SPEF2: variants seen among roughly 807,000 people sequenced by gnomAD.
The protein encoded by SPEF2 is sperm flagella and cilia-associated protein 2.
Under a neutral mutation model 224.6 loss-of-function variants are expected in SPEF2, and 187 were observed. The observed-to-expected ratio is 0.83, with a 90% confidence interval of 0.74 to 0.94. The LOEUF is 0.94. SPEF2 is among the 40% of genes least tolerant of loss of function. The pLI, the probability that SPEF2 is intolerant of heterozygous loss-of-function variation, is 0.00. For synonymous variants in SPEF2, 715 were observed against 707.3 expected (o/e 1.01, Z -0.17); for missense variants, 2,170 against 2,135.6 (o/e 1.02, Z -0.32).
At chr5:35,672,853 C>T (rs1020595937) in intron 10 of SPEF2, among the ~76,000 whole-genome samples, 1 of 151,962 alleles carries the variant, frequency 6.6e-6, no homozygotes, top group Non-Finnish European at 1.5e-5. Flanking sequence ...TTTAGAAGCC[C>T]GTGTTCTGTT....
intron 20 of SPEF2, among the ~76,000 whole-genome samples, chr5:35,718,915 T>A (rs1255009166): frequency 6.6e-6 from 1 of 152,208 alleles, no homozygotes; most frequent in East Asian, 1.9e-4. Context: ...TTACATGGAC[T>A]CCTTATCATA....
At chr5:35,627,737 A>G (rs1744473516) in intron 1 of SPEF2, among the ~76,000 whole-genome samples, 1 of 152,224 alleles carries the variant, frequency 6.6e-6, no homozygotes, top group East Asian at 1.9e-4. Flanking sequence ...GATATAAGAT[A>G]TAGATATGGT....
intron 24 of SPEF2, among the ~76,000 whole-genome samples, chr5:35,758,127 G>C (rs1432211798): frequency 6.6e-6 from 1 of 152,136 alleles, no homozygotes; most frequent in South Asian, 2.1e-4. Context: ...AAAATAAGTG[G>C]TGACATAATT....
At chr5:35,672,719 A>C (rs912186735) in intron 10 of SPEF2, among the ~76,000 whole-genome samples, 3 of 152,010 alleles carry the variant, frequency 2.0e-5, no homozygotes, top group Non-Finnish European at 4.4e-5. Context: ...AATGAACATT[A>C]TGTTCAAGCA....
chr5:35,714,680 TTTTA>T (rs70973053), intron 20 of SPEF2, among the ~76,000 whole-genome samples: 2,908 of 134,530 alleles, frequency 0.022, 64 homozygotes, highest in Admixed American at 0.054. Flanking sequence ...TTGGGTTTAT[TTTTA>T]TTTATTTATT....
At chr5:35,628,614 CA>C (rs771288780) in intron 2 of SPEF2, 52 bp downstream of exon 2, 1 of 1,337,996 alleles carries the variant, frequency 7.5e-7, no homozygotes, top group South Asian at 1.2e-5. Context: ...TGTTTTGAGA[CA>C]AGGTCTTGTT....
chr5:35,728,206 C>A (rs188842670), intron 21 of SPEF2, among the ~76,000 whole-genome samples: 1 of 152,262 alleles, frequency 6.6e-6, no homozygotes, highest in African/African-American at 2.4e-5. Context: ...TGAAGTTTAA[C>A]CTTTGACTTT....
chr5:35,693,118 G>A (rs1754766637), intron 12 of SPEF2, among the ~76,000 whole-genome samples: 1 of 152,040 alleles, frequency 6.6e-6, no homozygotes, highest in African/African-American at 2.4e-5. Context: ...TGGGAGGGTG[G>A]CATATGATTG....
In SPEF2 at chr5:35,672,655, T is replaced by C. The variant is rs547368592; in HGVS notation, c.1524+2428T>C. On this transcript the variant is annotated intron_variant, in intron 10 of 36. Coordinates refer to ENST00000356031, the MANE Select transcript of SPEF2 (RefSeq NM_024867.4). ...ACATTTGCTTGAACAAATAGTGTAATACATTTGCTTGAACATAATAATGTT... is the reference window on the plus strand; with the variant it reads ...ACATTTGCTTGAACAAATAGTGTAACACATTTGCTTGAACATAATAATGTT... Among the ~76,000 whole-genome samples the C allele has an allele frequency of 1.5e-3, 227 of 152,128 alleles. 1 individual carries two copies. Among genetic ancestry groups the C allele is most frequent in the African/African-American group, 5.2e-3 (217 of 41,546 alleles).
At chr5:35,759,231 C>T (rs1235059283) in intron 24 of SPEF2, among the ~76,000 whole-genome samples, 1 of 151,948 alleles carries the variant, frequency 6.6e-6, no homozygotes, top group African/African-American at 2.4e-5. Context: ...CTGATTGAAT[C>T]TAGGACACAG....
Position 35,776,243 on chromosome 5 carries a change from C to A in SPEF2, c.4079-14C>A. ...GCAATATGTTAAAACATTCTTATTT[C>A]TCTTTGCAAATAGAAATAGCCACGC... is the stretch of plus-strand genomic sequence containing the variant. On this transcript the variant is annotated splice_polypyrimidine_tract_variant and intron_variant, in intron 28 of 36. Coordinates refer to ENST00000356031, the MANE Select transcript of SPEF2 (RefSeq NM_024867.4). 1 of 1,598,924 alleles carries A rather than the reference C, an allele frequency of 6.3e-7. No homozygotes were observed. The highest frequency in any genetic ancestry group is 8.5e-7 in the Non-Finnish European group (1 of 1,174,096).
chr5:35,765,458 T>G (rs956348048), intron 26 of SPEF2, among the ~76,000 whole-genome samples: 1 of 152,186 alleles, frequency 6.6e-6, no homozygotes, highest in Non-Finnish European at 1.5e-5. Context: ...CATCTAGCAA[T>G]GTGTGCTATC....
chr5:35,670,870 A>T (rs1224133954), intron 10 of SPEF2: 1 of 984,712 alleles, frequency 1.0e-6, no homozygotes, highest in Non-Finnish European at 1.2e-6. Flanking sequence ...AGGGAATGCT[A>T]CTATACCTAC....
rs116446964 is a variant in SPEF2, at chr5:35,634,970, G to A, written c.161+6408G>A. On this transcript the variant is annotated intron_variant, in intron 2 of 36. Transcript: ENST00000356031. ...CCTTAGGCTCTTCTTGAATGTGATAGTTTCTCACACAGACTTTTCTTATTT... is the reference window on the plus strand; with the variant it reads ...CCTTAGGCTCTTCTTGAATGTGATAATTTCTCACACAGACTTTTCTTATTT... Among the ~76,000 whole-genome samples, 789 of 152,010 alleles carry A rather than the reference G, an allele frequency of 5.2e-3. 8 individuals are homozygous for A. The highest frequency in any genetic ancestry group is 0.018 in the African/African-American group (746 of 41,486).
intron 24 of SPEF2, among the ~76,000 whole-genome samples, chr5:35,755,326 G>A (rs999756740): frequency 6.6e-5 from 10 of 152,176 alleles, no homozygotes; most frequent in African/African-American, 1.9e-4. Flanking sequence ...ATAAACAGTC[G>A]TGTCAAAAGC....
chr5:35,646,480 C>G lies in SPEF2; in HGVS notation c.586-187C>G, dbSNP rs1353801548. On this transcript the variant is annotated intron_variant, in intron 4 of 36. Transcript: ENST00000356031. ...TCCAGAATTGTGTTTTAATATCATG[C>G]TTTTCACAGTAAGTCATATTAACAC... 6.1e-5 allele frequency: 28 copies of G among 462,426 alleles called. No individual in the cohort carries two copies. The South Asian group carries it at 1.2e-3, about 20-fold the overall frequency. The allele number at this position is 462,426 out of a possible 1,614,324, so 28.6% of individuals were successfully genotyped here. A position where few individuals can be genotyped will look rare whatever the true frequency, so the allele number is the denominator to read the frequency against.
intron 36 of SPEF2, among the ~76,000 whole-genome samples, chr5:35,811,852 T>G (rs2149880945): frequency 6.7e-6 from 1 of 150,052 alleles, no homozygotes; most frequent in East Asian, 2.0e-4. Context: ...TGGTGCAATC[T>G]TGGCTCACTG....
intron 18 of SPEF2, among the ~76,000 whole-genome samples, chr5:35,708,593 TCCCC>T (rs1740339761): frequency 2.0e-5 from 3 of 147,770 alleles, no homozygotes; most frequent in Non-Finnish European, 4.5e-5. Context: ...ACTACCACCA[TCCCC>T]ACCACAGACT....
chr5:35,641,404 A>G (rs757229306), intron 2 of SPEF2, 27 bp from the exon 3 acceptor site: 1 of 1,588,052 alleles, frequency 6.3e-7, no homozygotes, highest in East Asian at 2.2e-5. Context: ...GCTAATGTCT[A>G]ATTATGTAAA....
Sources: gnomAD v4.1 joint callset for allele counts (sites outside exome capture counted in the v4.1 genomes callset) on GRCh38, gnomAD v4.1.1 for gene constraint, MANE v1.5 for transcripts, NCBI Gene and HGNC (gene_info 2026-07-23, HGNC 2026-07-21) for gene names.